COL15A1: variants seen among roughly 807,000 people sequenced by gnomAD.
COL15A1 encodes the protein collagen alpha-1(XV) chain.
Under a neutral mutation model 165.9 loss-of-function variants are expected in COL15A1, and 111 were observed. That is an observed-to-expected ratio of 0.67 (90% confidence interval 0.57 to 0.78). The LOEUF is 0.78. Among genes scored for constraint, COL15A1 ranks in the 30% least tolerant of loss-of-function variants. The pLI is 0.00. For missense variants in COL15A1, 1,745 were observed against 1,789.7 expected (o/e 0.98, Z 0.45); for synonymous variants, 659 against 674.8 (o/e 0.98, Z 0.36).
At chr9:99,044,885 T>C in intron 26 of COL15A1, 115 bp downstream of exon 26, 1 of 897,274 alleles carries the variant, frequency 1.1e-6, no homozygotes, top group Non-Finnish European at 1.8e-6. Context: ...GTGGCAAAGA[T>C]GTGCAAAATG....
At chr9:99,005,445 G>A (rs755243645) in intron 9 of COL15A1, among the ~76,000 whole-genome samples, 3 of 152,090 alleles carry the variant, frequency 2.0e-5, no homozygotes, top group African/African-American at 4.8e-5. Flanking sequence ...CCCTCTCCTC[G>A]TGCAGCGCAC....
At chr9:99,011,564 C>T (rs370141912) in intron 9 of COL15A1, among the ~76,000 whole-genome samples, 1 of 152,004 alleles carries the variant, frequency 6.6e-6, no homozygotes, top group African/African-American at 2.4e-5. Flanking sequence ...ATTCCCTTCA[C>T]TTTGTTTTAT....
At chr9:98,946,154 G>C (rs1408519353) in intron 2 of COL15A1, among the ~76,000 whole-genome samples, 1 of 152,310 alleles carries the variant, frequency 6.6e-6, no homozygotes, top group Non-Finnish European at 1.5e-5. Flanking sequence ...GTATATCCAG[G>C]TGGAGGTGTG....
In COL15A1 at chr9:99,070,713, A is replaced by G; in HGVS notation, c.*827A>G. On this transcript the variant is annotated 3_prime_UTR_variant, in exon 42 of 42. Coordinates refer to ENST00000375001, the MANE Select transcript of COL15A1 (RefSeq NM_001855.5). The stretch of plus-strand genomic sequence containing the variant: ...GAGATGAATTTTCTGAGAAACATAT[A>G]TCTACATGTTGTATAATTGGATTTT... 1 of 413,006 alleles carries G rather than the reference A, an allele frequency of 2.4e-6. No individual in the cohort carries two copies. The highest frequency in any genetic ancestry group is 4.8e-6 in the Non-Finnish European group (1 of 206,192). 25.6% of individuals were successfully genotyped at this position (413,006 alleles called of 1,614,324 possible).
chr9:99,026,753 A>G (rs1037745465), intron 16 of COL15A1, among the ~76,000 whole-genome samples: 7 of 152,136 alleles, frequency 4.6e-5, no homozygotes, highest in African/African-American at 1.7e-4. Flanking sequence ...TCCCTGACTC[A>G]TTATGAGCAG....
intron 5 of COL15A1, 79 bp downstream of exon 5, chr9:98,989,337 C>A: frequency 8.6e-7 from 1 of 1,161,738 alleles, no homozygotes; most frequent in Non-Finnish European, 1.3e-6. Flanking sequence ...GCCCAGAGTC[C>A]TGGGTCTGAC....
At chr9:99,015,217 G>C (rs970097951) in intron 9 of COL15A1, among the ~76,000 whole-genome samples, 200 bp from the exon 10 acceptor site, 2 of 152,084 alleles carry the variant, frequency 1.3e-5, no homozygotes, top group Non-Finnish European at 2.9e-5. Context: ...GGACTCTGGG[G>C]TGGGTGGGAG....
At chr9:98,968,441 C>T (rs1033057100) in intron 2 of COL15A1, among the ~76,000 whole-genome samples, 1 of 152,196 alleles carries the variant, frequency 6.6e-6, no homozygotes, top group Non-Finnish European at 1.5e-5. Context: ...CCACTTTCAG[C>T]TTCTGGTGAC....
chr9:99,044,835 TG>T, intron 26 of COL15A1, 65 bp downstream of exon 26: 2 of 1,448,206 alleles, frequency 1.4e-6, no homozygotes, highest in Non-Finnish European at 1.9e-6. Flanking sequence ...TACTTTGATT[TG>T]GTTAGATTTA....
At chr9:98,951,365 G>T (rs1837683954) in intron 2 of COL15A1, among the ~76,000 whole-genome samples, 1 of 152,220 alleles carries the variant, frequency 6.6e-6, no homozygotes, top group Non-Finnish European at 1.5e-5. Context: ...ATTTAATCAT[G>T]ATGCTTCCTA....
At position 99,004,450 on chromosome 9, in the gene COL15A1, C is replaced by T. The variant is rs1037644679; in HGVS notation, c.1201-448C>T. Among the ~76,000 whole-genome samples the T allele has an allele frequency of 4.6e-5, 7 of 152,188 alleles. No homozygotes were observed. The East Asian group carries it at 5.8e-4, about 13-fold the overall frequency. On this transcript the variant is annotated intron_variant, in intron 8 of 41. Transcript: ENST00000375001. ...GAGAGCAGCTTCAGGGCTATCGGAG[C>T]GGTGGAAGCCAGATGGCACTGGGCT...
At chr9:99,018,250 C>T (rs1049171807) in intron 11 of COL15A1, among the ~76,000 whole-genome samples, 5 of 152,186 alleles carry the variant, frequency 3.3e-5, no homozygotes, top group South Asian at 2.1e-4. Context: ...TTGGTTGATA[C>T]GTCTCTTAAG....
intron 2 of COL15A1, among the ~76,000 whole-genome samples, chr9:98,965,575 T>A (rs1837942748): frequency 6.6e-6 from 1 of 152,242 alleles, no homozygotes; most frequent in Non-Finnish European, 1.5e-5. Context: ...TGCTGGAGGC[T>A]ATCTCGGGGT....
chr9:98,950,196 T>G (rs185090502), intron 2 of COL15A1, among the ~76,000 whole-genome samples: 1 of 152,238 alleles, frequency 6.6e-6, no homozygotes. Flanking sequence ...TCTACTTCTT[T>G]GCACCTAGGA....
At chr9:99,045,651 A>G (rs1455199215) in intron 26 of COL15A1, among the ~76,000 whole-genome samples, 3 of 152,214 alleles carry the variant, frequency 2.0e-5, no homozygotes, top group African/African-American at 7.2e-5. Context: ...TCCCCATTTT[A>G]TAGATGAGGA....
chr9:98,949,807 A>G (rs561765347), intron 2 of COL15A1, among the ~76,000 whole-genome samples: 1 of 152,326 alleles, frequency 6.6e-6, no homozygotes, highest in South Asian at 2.1e-4. Flanking sequence ...ATCACCCCAA[A>G]AGAAATATCT....
chr9:99,027,969 A>G (rs930588004), intron 16 of COL15A1, among the ~76,000 whole-genome samples: 4 of 152,256 alleles, frequency 2.6e-5, no homozygotes, highest in African/African-American at 9.6e-5. Flanking sequence ...GTAGTAGATC[A>G]TAAGATCCAA....
At chr9:99,000,251 C>G (rs1192186935) in intron 6 of COL15A1, among the ~76,000 whole-genome samples, 2 of 152,134 alleles carry the variant, frequency 1.3e-5, no homozygotes, top group Non-Finnish European at 2.9e-5. Flanking sequence ...TCTTACACTC[C>G]TATCTTCTGG....
At chr9:99,041,447 G>T (rs1191865668) in intron 23 of COL15A1, 1 of 147,340 alleles carries the variant, frequency 6.8e-6, no homozygotes, top group Middle Eastern at 3.2e-3. Context: ...TTGAGAAGAG[G>T]TTGCCTCTGG....
Sources: gnomAD v4.1 joint callset for allele counts (sites outside exome capture counted in the v4.1 genomes callset) on GRCh38, gnomAD v4.1.1 for gene constraint, MANE v1.5 for transcripts, NCBI Gene and HGNC (gene_info 2026-07-23, HGNC 2026-07-21) for gene names.